The following NRXN3 variants were observed in gnomAD, a reference collection of about 807,000 sequenced individuals.
NRXN3 encodes the protein neurexin III.
In NRXN3, 32 loss-of-function variants were observed where a neutral mutation model predicts 137.6. The ratio of observed to expected loss-of-function variants is 0.23; its 90% CI spans 0.18 to 0.31. The LOEUF (loss-of-function observed/expected upper bound fraction) is 0.31. Among genes scored for constraint, NRXN3 ranks in the 10% least tolerant of loss-of-function variants. NRXN3 has a pLI of 1.00. For synonymous variants in NRXN3, 798 were observed against 784.5 expected (o/e 1.02, Z -0.29); for missense variants, 1,574 against 2,062.5 (o/e 0.76, Z 4.59).
At chr14:79,832,587 CA>C (rs1302352295) in intron 20 of NRXN3, among the ~76,000 whole-genome samples, 24 of 152,064 alleles carry the variant, frequency 1.6e-4, no homozygotes, top group South Asian at 4.1e-4. Flanking sequence ...GGGTAGAGGT[CA>C]GGGGTGTTGC....
chr14:78,238,387 C>T (rs868628311), intron 1 of NRXN3, among the ~76,000 whole-genome samples: 10 of 152,192 alleles, frequency 6.6e-5, no homozygotes, highest in Non-Finnish European at 1.0e-4. Flanking sequence ...TGGCTGCCTG[C>T]GTTCTCCTAT....
chr14:79,305,435 A>G (rs749745748), intron 15 of NRXN3, among the ~76,000 whole-genome samples: 2 of 152,050 alleles, frequency 1.3e-5, no homozygotes, highest in African/African-American at 2.4e-5. Context: ...TTGGGAACTT[A>G]TTGACTAACA....
At chr14:78,171,361 C>T (rs1258877123) in intron 1 of NRXN3, among the ~76,000 whole-genome samples, 9 of 144,478 alleles carry the variant, frequency 6.2e-5, no homozygotes, top group Admixed American at 3.5e-4. Flanking sequence ...TGTGTGTGTG[C>T]GCGGGTGTGT....
chr14:78,445,083 TG>T (rs2094380671), intron 4 of NRXN3, among the ~76,000 whole-genome samples: 2 of 152,198 alleles, frequency 1.3e-5, no homozygotes, highest in South Asian at 4.1e-4. Flanking sequence ...GGCTGTGTTT[TG>T]CGAACCAATT....
chr14:78,541,726 C>G (rs972437341), intron 4 of NRXN3, among the ~76,000 whole-genome samples: 1 of 152,204 alleles, frequency 6.6e-6, no homozygotes, highest in Non-Finnish European at 1.5e-5. Context: ...AGCTTTCCTG[C>G]TCTGGTTTCT....
intron 15 of NRXN3, among the ~76,000 whole-genome samples, chr14:79,127,151 T>C (rs1379540220): frequency 6.6e-6 from 1 of 152,154 alleles, no homozygotes; most frequent in Admixed American, 6.5e-5. Context: ...TCGTAGTTTC[T>C]TTTGCTGTGC....
intron 10 of NRXN3, among the ~76,000 whole-genome samples, chr14:78,948,526 A>G (rs530874174): frequency 6.6e-6 from 1 of 150,848 alleles, no homozygotes; most frequent in East Asian, 2.0e-4. Context: ...ACATTGGCTG[A>G]GGGAATATGA....
intron 10 of NRXN3, among the ~76,000 whole-genome samples, chr14:78,938,970 G>A (rs185746871): frequency 0.017 from 2,635 of 150,934 alleles, 42 homozygotes; most frequent in Admixed American, 0.041. Flanking sequence ...CTCAGCCTCC[G>A]GAGTAGCTGG....
At chr14:79,706,088 C>T (rs1195181862) in intron 19 of NRXN3, among the ~76,000 whole-genome samples, 1 of 152,182 alleles carries the variant, frequency 6.6e-6, no homozygotes, top group African/African-American at 2.4e-5. Context: ...CCTCATGAGG[C>T]TCACCAGTGA....
intron 19 of NRXN3, among the ~76,000 whole-genome samples, chr14:79,706,895 G>A (rs575963593): frequency 5.5e-4 from 83 of 152,172 alleles, no homozygotes; most frequent in Admixed American, 2.1e-3. Context: ...TGGCGCCTTT[G>A]CAGCCTCCAT....
chr14:79,133,048 GCTGT>G (rs1370701499), intron 15 of NRXN3, among the ~76,000 whole-genome samples: 1 of 152,200 alleles, frequency 6.6e-6, no homozygotes, highest in Non-Finnish European at 1.5e-5. Context: ...GCAGCTGAAG[GCTGT>G]CTATGGACAG....
At chr14:79,144,026 G>A (rs2059062368) in intron 15 of NRXN3, among the ~76,000 whole-genome samples, 1 of 152,192 alleles carries the variant, frequency 6.6e-6, no homozygotes, top group Non-Finnish European at 1.5e-5. Flanking sequence ...GATGTTTATA[G>A]TAGTAGAAAA....
chr14:79,229,411 G>T (rs1380815023), intron 15 of NRXN3, among the ~76,000 whole-genome samples: 1 of 152,194 alleles, frequency 6.6e-6, no homozygotes, highest in Non-Finnish European at 1.5e-5. Flanking sequence ...GGAAACTTCA[G>T]TGTAAAGTGC....
At chr14:78,395,157 C>T (rs1003659142) in intron 4 of NRXN3, among the ~76,000 whole-genome samples, 1 of 151,398 alleles carries the variant, frequency 6.6e-6, no homozygotes, top group African/African-American at 2.4e-5. Flanking sequence ...TTTGACTTCC[C>T]CCCCTTTTCT....
rs111271574 is a variant in NRXN3 at position 78,440,294 on chromosome 14, T to C, written c.757+142434T>C. On this transcript the variant is annotated intron_variant, in intron 4 of 20. Transcript: ENST00000335750. ...AGGGAAGCTGCCCACCCCTGGCACA[T>C]GAGTCACCCACAGTCCCAGCACAAT... Among the ~76,000 whole-genome samples the C allele has an allele frequency of 9.2e-3, 1,393 of 152,206 alleles. 10 individuals carry two copies. The highest frequency in any genetic ancestry group is 0.024 in the Middle Eastern group (7 of 294).
chr14:78,285,537 C>T (rs562196602), intron 3 of NRXN3, among the ~76,000 whole-genome samples: 2 of 152,260 alleles, frequency 1.3e-5, no homozygotes, highest in African/African-American at 2.4e-5. Context: ...CTGGTAGGTG[C>T]GGCCCAGGAG....
chr14:79,185,978 G>A (rs1004785135), intron 15 of NRXN3, among the ~76,000 whole-genome samples: 3 of 152,086 alleles, frequency 2.0e-5, no homozygotes, highest in African/African-American at 7.2e-5. Context: ...AACTGTCTGG[G>A]TTGAATCAAG....
intron 10 of NRXN3, among the ~76,000 whole-genome samples, chr14:78,830,673 A>C (rs1196076559): frequency 6.6e-6 from 1 of 151,958 alleles, no homozygotes; most frequent in Admixed American, 6.6e-5. Flanking sequence ...TTAATAATAA[A>C]ATAGTATTTA....
intron 15 of NRXN3, among the ~76,000 whole-genome samples, chr14:79,443,086 CA>C (rs1391130118): frequency 1.3e-5 from 2 of 152,182 alleles, no homozygotes; most frequent in Non-Finnish European, 1.5e-5. Context: ...CTGGTCTTGT[CA>C]ATTAGTCAAA....
Sources: gnomAD v4.1 joint callset for allele counts (sites outside exome capture counted in the v4.1 genomes callset) on GRCh38, gnomAD v4.1.1 for gene constraint, MANE v1.5 for transcripts, NCBI Gene and HGNC (gene_info 2026-07-23, HGNC 2026-07-21) for gene names.